The following SIPA1L2 variants were observed in gnomAD, a reference collection of about 807,000 sequenced individuals.
SIPA1L2 encodes signal induced proliferation associated 1 like 2, also known as signal-induced proliferation-associated 1-like protein 2.
Under a neutral mutation model 163.9 loss-of-function variants are expected in SIPA1L2, and 56 were observed. The observed-to-expected ratio is 0.34, with a 90% CI of 0.28 to 0.43. The LOEUF is 0.43. Ranked by LOEUF, SIPA1L2 falls within the 20% of genes least tolerant of loss-of-function variation. The pLI is 1.00. For missense variants in SIPA1L2, 1,974 were observed against 2,193.5 expected (o/e 0.90, Z 2.00); for synonymous variants, 877 against 865.7 (o/e 1.01, Z -0.23).
chr1:232,597,403 CG>C (rs1438590328), intron 1 of SIPA1L2, among the ~76,000 whole-genome samples: 12 of 151,722 alleles, frequency 7.9e-5, no homozygotes, highest in Non-Finnish European at 1.3e-4. Context: ...TTTGGCCGGG[CG>C]CGGTGGCTCA....
intron 18 of SIPA1L2, among the ~76,000 whole-genome samples, chr1:232,424,838 C>A (rs1661791640): frequency 6.6e-6 from 1 of 151,966 alleles, no homozygotes; most frequent in African/African-American, 2.4e-5. Context: ...TGAAAAAAAA[C>A]TTGGCAATGA....
Position 232,565,783 on chromosome 1 carries a change from T to C in SIPA1L2, c.-270+8391A>G, listed in dbSNP as rs539661123. ...CTGCAGGGCCTTTATTTCTATTGTG[T>C]GTGCCTTAAGGTATGAAGGGGACAC... On this transcript the variant is annotated intron_variant, in intron 2 of 22. Transcript: ENST00000674635. 6.6e-5 allele frequency among the ~76,000 whole-genome samples: 10 copies of C among 152,340 alleles called. No individual in the cohort carries two copies. In the South Asian group the frequency reaches 2.1e-3, roughly 32 times the overall value.
At chr1:232,600,734 T>A (rs1038585163) in intron 1 of SIPA1L2, among the ~76,000 whole-genome samples, 5 of 152,004 alleles carry the variant, frequency 3.3e-5, no homozygotes. Flanking sequence ...TCAGCCGGAG[T>A]GTGCTCCACC....
At chr1:232,439,568 G>A in intron 14 of SIPA1L2, 72 bp from the exon 15 acceptor site, 1 of 1,531,574 alleles carries the variant, frequency 6.5e-7, no homozygotes, top group African/African-American at 1.4e-5. Flanking sequence ...CTGACTCAGG[G>A]AGCTACAAGC....
At chr1:232,408,484 C>T (rs1370291539) in intron 19 of SIPA1L2, among the ~76,000 whole-genome samples, 1 of 152,072 alleles carries the variant, frequency 6.6e-6, no homozygotes, top group Non-Finnish European at 1.5e-5. Context: ...TATCATATTG[C>T]TGAACAAAAA....
chr1:232,611,286 C>T (rs533565639), intron 1 of SIPA1L2, among the ~76,000 whole-genome samples: 1 of 152,148 alleles, frequency 6.6e-6, no homozygotes, highest in Non-Finnish European at 1.5e-5. Flanking sequence ...TGGATTAATA[C>T]AGTAAATTGG....
chr1:232,541,935 A>ATCTCTCTCTCTCTCTCTCTCTCTC (rs59407464), intron 2 of SIPA1L2, among the ~76,000 whole-genome samples: 27 of 148,206 alleles, frequency 1.8e-4, no homozygotes, highest in African/African-American at 6.5e-4. Context: ...TGAGCCTTAA[A>ATCTCTCTCTCTCTCTCTCTCTCTC]TCTCTCTCTC....
At chr1:232,450,775 T>A (rs1221097274) in intron 10 of SIPA1L2, among the ~76,000 whole-genome samples, 1 of 152,230 alleles carries the variant, frequency 6.6e-6, no homozygotes. Flanking sequence ...GCCCATAGAC[T>A]GTAGTCTTTA....
chr1:232,399,103 G>T lies in SIPA1L2; in HGVS notation c.*24C>A. 1.2e-6 allele frequency: 2 copies of T among 1,613,814 alleles called. No homozygotes were observed. The highest frequency in any genetic ancestry group is 1.7e-6 in the Non-Finnish European group (2 of 1,179,828). On this transcript the variant is annotated 3_prime_UTR_variant, in exon 23 of 23. Coordinates refer to ENST00000674635, the MANE Select transcript of SIPA1L2 (RefSeq NM_020808.5). ...AAGGGACAAGGGGCATTTCCCAGTG[G>T]TCCCTTGATGAGGTGCGGATTGGCT...
intron 8 of SIPA1L2, among the ~76,000 whole-genome samples, chr1:232,467,259 T>G (rs1274556668): frequency 6.6e-6 from 1 of 152,156 alleles, no homozygotes; most frequent in Non-Finnish European, 1.5e-5. Context: ...ACCGAACTCA[T>G]CAATAGCACC....
At chr1:232,603,280 G>A (rs1362732471) in intron 1 of SIPA1L2, among the ~76,000 whole-genome samples, 1 of 152,178 alleles carries the variant, frequency 6.6e-6, no homozygotes, top group African/African-American at 2.4e-5. Context: ...AGGGACAGCT[G>A]GAGAAAGGCC....
chr1:232,613,714 G>A (rs1662367361), intron 1 of SIPA1L2, among the ~76,000 whole-genome samples: 1 of 152,158 alleles, frequency 6.6e-6, no homozygotes, highest in Admixed American at 6.5e-5. Context: ...GTGTGCGTGT[G>A]TGTGTATAAT....
In SIPA1L2 at chr1:232,403,477, G is replaced by C. The variant is rs754888108; in HGVS notation, c.4911C>G (p.Gly1637=). 5 of 1,591,510 alleles carry C rather than the reference G, an allele frequency of 3.1e-6. No individual in the cohort carries two copies. The East Asian group carries it at 9.1e-5, about 29-fold the overall frequency. Residue 1637 remains glycine (G), a synonymous_variant, in exon 21 of 23, where the codon GGC becomes GGG. Coordinates refer to ENST00000674635, the MANE Select transcript of SIPA1L2 (RefSeq NM_020808.5). ...AQELPLCVDP[G]SGKEFMDTTG... ...TTGTGTCCATGAACTCTTTGCCACT[G>C]CCTGGATCTACACATAAGGGCAGCT...
chr1:232,423,905 C>T (rs1661722953), intron 18 of SIPA1L2, among the ~76,000 whole-genome samples: 1 of 152,212 alleles, frequency 6.6e-6, no homozygotes, highest in South Asian at 2.1e-4. Context: ...CTGCATGATT[C>T]CAACTATACG....
chr1:232,465,124 C>A lies in SIPA1L2; in HGVS notation c.2536G>T (p.Asp846Tyr). Residue 846 changes from aspartate (D) to tyrosine (Y), a missense_variant, in exon 9 of 23, where the codon GAT (aspartate) becomes TAT (tyrosine). Around this residue, in one of 3 missense-constraint regions of SIPA1L2, gnomAD observed 1,079 missense variants for 1,150.7 expected, o/e 0.94. Coordinates refer to ENST00000674635, the MANE Select transcript of SIPA1L2 (RefSeq NM_020808.5). This position sits in a 1 kb window ranked among gnomAD's most constrained non-coding sequence, Gnocchi z 4.1. ...GCCCCAATGCTAAACAAGTGGGCAT[C>A]CTTCCTTGGCTTTACCTTCTCCTTT... ...KKKEKVKPRKDAHLFSIGAIM... is the reference protein window; with the variant it reads ...KKKEKVKPRKYAHLFSIGAIM... 1.2e-6 allele frequency: 2 copies of A among 1,614,172 alleles called. No homozygotes were observed. The highest frequency in any genetic ancestry group is 1.7e-6 in the Non-Finnish European group (2 of 1,180,030).
chr1:232,415,183 C>T (rs1402766714), intron 19 of SIPA1L2, among the ~76,000 whole-genome samples: 1 of 152,192 alleles, frequency 6.6e-6, no homozygotes, highest in Admixed American at 6.5e-5. Flanking sequence ...AAGGTGCTCT[C>T]CATACAATCA....
chr1:232,401,400 A>G (rs753593453), intron 22 of SIPA1L2, among the ~76,000 whole-genome samples: 1 of 152,172 alleles, frequency 6.6e-6, no homozygotes, highest in Non-Finnish European at 1.5e-5. Context: ...TTTTTTGGGC[A>G]AGTCTCCTAA....
intron 18 of SIPA1L2, among the ~76,000 whole-genome samples, chr1:232,420,544 A>G (rs1661512032): frequency 2.0e-5 from 3 of 151,876 alleles, no homozygotes; most frequent in Non-Finnish European, 2.9e-5. Context: ...GCCAATTAAG[A>G]CAAGACTGTG....
intron 2 of SIPA1L2, among the ~76,000 whole-genome samples, chr1:232,524,713 T>C (rs564149074): frequency 6.6e-6 from 1 of 152,220 alleles, no homozygotes; most frequent in East Asian, 1.9e-4. Context: ...GGATTTATAA[T>C]ATAATATTAT....
Sources: gnomAD v4.1 joint callset for allele counts (sites outside exome capture counted in the v4.1 genomes callset) on GRCh38, gnomAD v4.1.1 for gene constraint, gnomAD v4.1.1 regional missense constraint, Gnocchi (gnomAD v3.1) non-coding constraint, MANE v1.5 for transcripts, NCBI Gene and HGNC (gene_info 2026-07-23, HGNC 2026-07-21) for gene names.